CCDC7: variants seen among roughly 807,000 people sequenced by gnomAD.
CCDC7 encodes the protein coiled-coil domain containing 7, also known as coiled-coil domain-containing protein 7.
Under a neutral mutation model 196.9 loss-of-function variants are expected in CCDC7, and 183 were observed. That is an observed-to-expected ratio of 0.93 (90% CI 0.82 to 1.05). The LOEUF (loss-of-function observed/expected upper bound fraction) is 1.05, where lower values mean the gene tolerates loss of function less well. Among genes scored for constraint, CCDC7 ranks in the 50% least tolerant of loss-of-function variants. The pLI is 0.00. For missense variants in CCDC7, 1,540 were observed against 1,482.2 expected, an observed-to-expected ratio of 1.04 and a Z score of -0.64; for synonymous variants, 525 against 484.6, an observed-to-expected ratio of 1.08 and a Z score of -1.10.
chr10:32,446,190 C>T (rs1232818750), exon 1 of CCDC7: 1 of 152,184 alleles, frequency 6.6e-6, no homozygotes, highest in East Asian at 1.9e-4. Flanking sequence ...TTTGCTGCCG[C>T]CCGGGGGCGC....
At chr10:32,509,072 A>G (rs1178132111) in intron 9 of CCDC7, among the ~76,000 whole-genome samples, 1 of 151,290 alleles carries the variant, frequency 6.6e-6, no homozygotes, top group African/African-American at 2.4e-5. Context: ...GTAGCCTCAG[A>G]TGATCCACCT....
chr10:32,848,974 T>G (rs1310018006), intron 39 of CCDC7, among the ~76,000 whole-genome samples: 1 of 152,144 alleles, frequency 6.6e-6, no homozygotes, highest in Non-Finnish European at 1.5e-5. Context: ...TCTTATTAAA[T>G]TATACATGGA....
chr10:32,831,451 T>G (rs2092155516), intron 32 of CCDC7, among the ~76,000 whole-genome samples: 1 of 152,210 alleles, frequency 6.6e-6, no homozygotes, highest in South Asian at 2.1e-4. Context: ...CTTAGCTTAC[T>G]GTAACTTTTT....
upstream of CCDC7, among the ~76,000 whole-genome samples, chr10:32,443,536 A>G (rs961132777): frequency 2.6e-4 from 39 of 152,184 alleles, 1 homozygote; most frequent in Admixed American, 1.4e-3. Flanking sequence ...TTTTCTCTCA[A>G]TGATATCAGC....
intron 30 of CCDC7, among the ~76,000 whole-genome samples, chr10:32,807,937 G>A (rs2086197785): frequency 6.6e-6 from 1 of 152,034 alleles, no homozygotes; most frequent in Non-Finnish European, 1.5e-5. Context: ...TTCCATGTTG[G>A]CCAGGCTGGT....
chr10:32,646,438 G>A lies in CCDC7; in HGVS notation c.2014+11280G>A, dbSNP rs138883418. Among the ~76,000 whole-genome samples the A allele has an allele frequency of 2.0e-4, 30 of 151,812 alleles. No individual in the cohort carries two copies. The East Asian group carries it at 2.9e-3, about 15-fold the overall frequency. On this transcript the variant is annotated intron_variant, in intron 20 of 41. Transcript: ENST00000639629. ...AAAAATTGTTAAAACTTGTTTTGTC[G>A]CCTAATATATGGTCTGGAGAATCTT...
At chr10:32,568,237 C>G (rs1443685287) in intron 15 of CCDC7, among the ~76,000 whole-genome samples, 1 of 151,912 alleles carries the variant, frequency 6.6e-6, no homozygotes, top group Non-Finnish European at 1.5e-5. Flanking sequence ...GATCTCCTGA[C>G]CTCGTGATCT....
chr10:32,848,728 T>A lies in CCDC7; in HGVS notation c.3895+10T>A. 6.6e-7 allele frequency: 1 copy of A among 1,516,130 alleles called. No individual in the cohort carries two copies. The highest frequency in any genetic ancestry group is 9.2e-7 in the Non-Finnish European group (1 of 1,092,846). The allele number at this position is 1,516,130 out of a possible 1,614,324, so 93.9% of individuals were successfully genotyped here. A position where few individuals can be genotyped will look rare whatever the true frequency, so the allele number is the denominator to read the frequency against. ...CCCTTTGAAAATAAAGGTAAAGAAT[T>A]ATGTATGTAGATATGAATTCAGTAT... On this transcript the variant is annotated intron_variant, in intron 39 of 41. Transcript: ENST00000639629.
intron 40 of CCDC7, among the ~76,000 whole-genome samples, chr10:32,853,406 A>G (rs2093637386): frequency 6.6e-6 from 1 of 152,216 alleles, no homozygotes; most frequent in African/African-American, 2.4e-5. Flanking sequence ...GAATCTAAAA[A>G]TAATGGCAGA....
chr10:32,472,632 T>A, intron 7 of CCDC7, 90 bp downstream of exon 8: 1 of 1,203,028 alleles, frequency 8.3e-7, no homozygotes, highest in Non-Finnish European at 1.1e-6. Context: ...TCTCACTCTG[T>A]CACCCATGCT....
At chr10:32,530,598 A>G (rs1391793404) in intron 11 of CCDC7, among the ~76,000 whole-genome samples, 2 of 151,700 alleles carry the variant, frequency 1.3e-5, no homozygotes, top group African/African-American at 2.4e-5. Context: ...TTTTTTGTAT[A>G]TTGATTTTGT....
chr10:32,856,496 T>C (rs567259026), intron 41 of CCDC7, among the ~76,000 whole-genome samples: 55 of 152,238 alleles, frequency 3.6e-4, no homozygotes, highest in Non-Finnish European at 6.2e-4. Flanking sequence ...GAAAGCCCTC[T>C]ACAGCCTGAG....
intron 21 of CCDC7, among the ~76,000 whole-genome samples, chr10:32,685,456 A>G (rs2076361266): frequency 6.6e-6 from 1 of 152,118 alleles, no homozygotes; most frequent in Non-Finnish European, 1.5e-5. Context: ...GTCTCTAGTG[A>G]TAAGCAGAAA....
intron 24 of CCDC7, among the ~76,000 whole-genome samples, chr10:32,704,175 C>T (rs529724846): frequency 6.6e-6 from 1 of 152,210 alleles, no homozygotes; most frequent in South Asian, 2.1e-4. Flanking sequence ...TGGCGACGTA[C>T]AGATGGGGTT....
intron 11 of CCDC7, 134 bp from the exon 13 acceptor site, chr10:32,543,166 G>A (rs1358604159): frequency 2.2e-5 from 20 of 903,534 alleles, no homozygotes; most frequent in Non-Finnish European, 2.9e-5. Context: ...TTGCTTCTAT[G>A]CAGATAATTT....
chr10:32,755,072 G>GTT (rs2076211510), intron 28 of CCDC7, among the ~76,000 whole-genome samples: 2 of 152,150 alleles, frequency 1.3e-5, no homozygotes, highest in African/African-American at 4.8e-5. Context: ...CTGGGGGAGG[G>GTT]GCATCCACCA....
chr10:32,795,722 C>G (rs2083446782), intron 29 of CCDC7, among the ~76,000 whole-genome samples: 1 of 152,134 alleles, frequency 6.6e-6, no homozygotes, highest in Admixed American at 6.6e-5. Flanking sequence ...CTTAGAGATT[C>G]TTTGCAATTT....
chr10:32,808,221 C>A (rs1353445800), intron 30 of CCDC7, among the ~76,000 whole-genome samples: 1 of 152,166 alleles, frequency 6.6e-6, no homozygotes, highest in Non-Finnish European at 1.5e-5. Flanking sequence ...CCAGCCCTCT[C>A]AGCCTAGAGC....
At chr10:32,567,805 A>T (rs893651219) in exon 15 of CCDC7, 1 of 1,613,610 alleles carries the variant, frequency 6.2e-7, no homozygotes, top group African/African-American at 1.3e-5. Flanking sequence ...TTCAAAAAAT[A>T]TACCATTGGA....
Sources: allele counts gnomAD v4.1 joint callset (sites outside exome capture counted in the v4.1 genomes callset), GRCh38; gene constraint gnomAD v4.1.1; transcripts MANE v1.5; gene names NCBI Gene and HGNC (gene_info 2026-07-23, HGNC 2026-07-21).